The following ROR1 variants were observed in gnomAD, a reference collection of about 807,000 sequenced individuals.
The protein encoded by ROR1 is inactive tyrosine-protein kinase transmembrane receptor ROR1.
Under a neutral mutation model 78.8 loss-of-function variants are expected in ROR1, and 19 were observed. The observed-to-expected ratio is 0.24, with a 90% CI of 0.17 to 0.35. ROR1 has a LOEUF of 0.35. Among genes scored for constraint, ROR1 ranks in the 10% least tolerant of loss-of-function variants. ROR1 has a pLI of 1.00. For missense variants in ROR1, 917 were observed against 1,177.8 expected, an observed-to-expected ratio of 0.78 and a Z score of 3.24; for synonymous variants, 386 against 433.6, an observed-to-expected ratio of 0.89 and a Z score of 1.36.
chr1:63,955,483 G>T (rs750003530), intron 1 of ROR1, among the ~76,000 whole-genome samples: 9 of 152,174 alleles, frequency 5.9e-5, no homozygotes, highest in East Asian at 5.8e-4. Flanking sequence ...GAACAGATAA[G>T]TTATCCCTCG....
intron 1 of ROR1, among the ~76,000 whole-genome samples, chr1:63,900,946 C>T (rs1645480433): frequency 6.6e-6 from 1 of 152,170 alleles, no homozygotes. Context: ...CAGTAACTCA[C>T]ATATCCTCAT....
At chr1:63,797,008 AT>A (rs1208605003) in intron 1 of ROR1, among the ~76,000 whole-genome samples, 1 of 152,122 alleles carries the variant, frequency 6.6e-6, no homozygotes, top group Admixed American at 6.6e-5. Context: ...GATGTTCTAT[AT>A]TTTTTCTAAT....
intron 7 of ROR1, among the ~76,000 whole-genome samples, chr1:64,151,821 TACAGCGAGCTGAGATTGCACCACTGC>T (rs1649633101): frequency 6.7e-6 from 1 of 149,794 alleles, no homozygotes. Context: ...GAGGGGAGGT[TACAGCGAGCTGAGATTGCACCACTGC>T]ACTCCAGCCT....
intron 1 of ROR1, among the ~76,000 whole-genome samples, chr1:63,902,864 G>C (rs705519): frequency 0.88 from 134,537 of 152,170 alleles, 59,960 homozygotes; most frequent in East Asian, 1. Flanking sequence ...TTCTGTTTCC[G>C]CCAGTCATCC....
chr1:64,068,471 A>G (rs1164184326), intron 4 of ROR1, among the ~76,000 whole-genome samples: 1 of 152,242 alleles, frequency 6.6e-6, no homozygotes, highest in Non-Finnish European at 1.5e-5. Flanking sequence ...AAAGAATATA[A>G]GATCATTAAA....
chr1:63,784,633 G>C (rs974273597), intron 1 of ROR1, among the ~76,000 whole-genome samples: 4 of 152,198 alleles, frequency 2.6e-5, no homozygotes, highest in Admixed American at 6.5e-5. Context: ...AAGGACTTTG[G>C]CATCAGATGG....
intron 4 of ROR1, among the ~76,000 whole-genome samples, chr1:64,101,575 G>A (rs1166697023): frequency 3.9e-5 from 6 of 152,266 alleles, no homozygotes; most frequent in South Asian, 2.1e-4. Flanking sequence ...TTCTAAGAAC[G>A]AAGGATATGA....
chr1:64,023,652 TGTC>T (rs935614895), intron 2 of ROR1, among the ~76,000 whole-genome samples: 1 of 152,248 alleles, frequency 6.6e-6, no homozygotes, highest in Non-Finnish European at 1.5e-5. Flanking sequence ...AGATACTGTT[TGTC>T]TTTTTAATGC....
chr1:64,142,844 A>T, intron 7 of ROR1, 194 bp downstream of exon 7: 1 of 1,412,674 alleles, frequency 7.1e-7, no homozygotes, highest in Non-Finnish European at 9.2e-7. Flanking sequence ...CGTTCTCAAG[A>T]AGTCAACTGC....
At chr1:63,993,940 T>A (rs1380682446) in intron 1 of ROR1, among the ~76,000 whole-genome samples, 2 of 152,240 alleles carry the variant, frequency 1.3e-5, no homozygotes, top group African/African-American at 4.8e-5. Flanking sequence ...CTTTCATAGA[T>A]ATTGTCAAGT....
chr1:64,083,276 C>T (rs996312593), intron 4 of ROR1, among the ~76,000 whole-genome samples: 2 of 152,032 alleles, frequency 1.3e-5, no homozygotes, highest in Non-Finnish European at 2.9e-5. Context: ...TGATAATCAG[C>T]GCAGATGTCA....
At chr1:64,051,771 A>G (rs539857645) in intron 4 of ROR1, among the ~76,000 whole-genome samples, 6 of 152,366 alleles carry the variant, frequency 3.9e-5, no homozygotes, top group African/African-American at 1.2e-4. Flanking sequence ...CTACAAAAAA[A>G]AATCCTCAAT....
intron 1 of ROR1, among the ~76,000 whole-genome samples, chr1:63,872,047 T>G (rs1049791685): frequency 4.6e-5 from 7 of 152,240 alleles, no homozygotes; most frequent in African/African-American, 1.7e-4. Flanking sequence ...AATGTAGCTT[T>G]GCAAAATATT....
rs184515075 is a variant in ROR1 at position 63,868,630 on chromosome 1, C to A, written c.91+94122C>A. On this transcript the variant is annotated intron_variant, in intron 1 of 8. Transcript: ENST00000371079. ...TGAAAAGGGCCTGGCCTAGAGTTAG[C>A]ACTTGACAAATGGCTGCTCTTATTA... is the stretch of plus-strand genomic sequence containing the variant. 3.7e-3 allele frequency among the ~76,000 whole-genome samples: 556 copies of A among 152,312 alleles called. 2 individuals are homozygous for A. Among genetic ancestry groups the A allele is most frequent in the African/African-American group, 0.013 (536 of 41,572 alleles).
intron 1 of ROR1, among the ~76,000 whole-genome samples, chr1:63,939,200 A>G (rs1051579125): frequency 5.3e-5 from 8 of 152,164 alleles, no homozygotes; most frequent in Admixed American, 1.3e-4. Flanking sequence ...TGTGGCTGGC[A>G]GTGGTTTCCA....
chr1:63,810,274 G>T (rs1644852559), intron 1 of ROR1, among the ~76,000 whole-genome samples: 1 of 152,224 alleles, frequency 6.6e-6, no homozygotes, highest in African/African-American at 2.4e-5. Flanking sequence ...GGAGGCAAAA[G>T]ATATTTTTGG....
chr1:63,831,018 C>T (rs892369419), intron 1 of ROR1, among the ~76,000 whole-genome samples: 113 of 152,348 alleles, frequency 7.4e-4, no homozygotes, highest in African/African-American at 2.7e-3. Flanking sequence ...TCCTTTGACT[C>T]TATGTCTCAC....
chr1:63,898,079 G>A (rs1371869685), intron 1 of ROR1, among the ~76,000 whole-genome samples: 2 of 152,218 alleles, frequency 1.3e-5, no homozygotes, highest in Non-Finnish European at 2.9e-5. Flanking sequence ...GGCAAGAAAT[G>A]TAGATCCTTG....
At chr1:63,867,215 A>G (rs1380513150) in intron 1 of ROR1, among the ~76,000 whole-genome samples, 1 of 152,248 alleles carries the variant, frequency 6.6e-6, no homozygotes, top group Non-Finnish European at 1.5e-5. Flanking sequence ...TAATAGACAC[A>G]TAATTAATAC....
Sources: gnomAD v4.1 joint callset for allele counts (sites outside exome capture counted in the v4.1 genomes callset) on GRCh38, gnomAD v4.1.1 for gene constraint, MANE v1.5 for transcripts, NCBI Gene and HGNC (gene_info 2026-07-23, HGNC 2026-07-21) for gene names.